The following WWOX variants were observed in gnomAD, a reference collection of about 807,000 sequenced individuals.
The protein encoded by WWOX is WW domain containing oxidoreductase, also known as WW domain-containing oxidoreductase.
In WWOX, 69 loss-of-function variants were observed where a neutral mutation model predicts 46.2. The observed-to-expected ratio is 1.49, with a 90% CI of 1.23 to 1.82. The LOEUF is 1.82. Ranked by LOEUF, WWOX falls within the 40% of genes most tolerant of loss-of-function variation. WWOX has a pLI of 0.00. For synonymous variants in WWOX, 359 were observed against 202.6 expected, an observed-to-expected ratio of 1.77 and a Z score of -6.56; for missense variants, 919 against 542.6, an observed-to-expected ratio of 1.69 and a Z score of -6.89.
At chr16:78,279,228 T>A (rs1304447676) in intron 5 of WWOX, among the ~76,000 whole-genome samples, 2 of 152,190 alleles carry the variant, frequency 1.3e-5, no homozygotes, top group Non-Finnish European at 2.9e-5. Flanking sequence ...GAGATTGTGT[T>A]GTTTTAAAAA....
Position 78,510,586 on chromosome 16 carries a change from C to T in WWOX, c.1056+77834C>T, listed in dbSNP as rs62036421. Among the ~76,000 whole-genome samples, 898 of 152,320 alleles carry T rather than the reference C, an allele frequency of 5.9e-3. 2 individuals carry two copies. Among genetic ancestry groups the T allele is most frequent in the Middle Eastern group, 0.02 (6 of 294 alleles). ...AACTGCACTTTCTCATCAACTGCAACCATAATTTAGCTATGGATACAAGAG... is the reference window on the plus strand; with the variant it reads ...AACTGCACTTTCTCATCAACTGCAATCATAATTTAGCTATGGATACAAGAG... On this transcript the variant is annotated intron_variant, in intron 8 of 8. Transcript: ENST00000566780.
intron 8 of WWOX, among the ~76,000 whole-genome samples, chr16:78,832,484 G>C (rs1317487799): frequency 6.6e-6 from 1 of 152,148 alleles, no homozygotes; most frequent in Admixed American, 6.5e-5. Flanking sequence ...TTGGAAGGGA[G>C]GTCTATCAAA....
chr16:78,315,203 G>A (rs1007620081), intron 5 of WWOX, among the ~76,000 whole-genome samples: 1 of 152,308 alleles, frequency 6.6e-6, no homozygotes, highest in Non-Finnish European at 1.5e-5. Flanking sequence ...CCCTGAAACA[G>A]CTACCTTTTC....
chr16:78,642,021 A>G (rs937502222), intron 8 of WWOX, among the ~76,000 whole-genome samples: 2 of 152,236 alleles, frequency 1.3e-5, no homozygotes, highest in African/African-American at 2.4e-5. Context: ...GAAGAAAAAC[A>G]GCAACGAGTT....
intron 5 of WWOX, among the ~76,000 whole-genome samples, chr16:78,241,690 T>C (rs2037654541): frequency 6.6e-6 from 1 of 152,152 alleles, no homozygotes; most frequent in South Asian, 2.1e-4. Context: ...TCTGCCCACC[T>C]CGGCTTCCCA....
chr16:78,996,682 A>G (rs931849237), intron 8 of WWOX, among the ~76,000 whole-genome samples: 1 of 152,102 alleles, frequency 6.6e-6, no homozygotes, highest in Non-Finnish European at 1.5e-5. Context: ...TGGGGACAAT[A>G]TGGCAAATAT....
chr16:78,965,131 A>G (rs1161584424), intron 8 of WWOX, among the ~76,000 whole-genome samples: 2 of 152,248 alleles, frequency 1.3e-5, no homozygotes, highest in African/African-American at 2.4e-5. Context: ...CAGAGTCCAT[A>G]CTGGGGCACT....
At chr16:78,458,019 G>T (rs2083863832) in intron 8 of WWOX, among the ~76,000 whole-genome samples, 1 of 151,598 alleles carries the variant, frequency 6.6e-6, no homozygotes, top group East Asian at 1.9e-4. Flanking sequence ...GGAGGTTGCA[G>T]TGAGCCAAGA....
chr16:79,114,369 C>T (rs542633361), intron 8 of WWOX, among the ~76,000 whole-genome samples: 5 of 108,546 alleles, frequency 4.6e-5, no homozygotes, highest in South Asian at 6.5e-4. Flanking sequence ...GAGAGACACA[C>T]GTGTGTGCAC....
intron 8 of WWOX, among the ~76,000 whole-genome samples, chr16:78,807,206 T>G (rs1206779186): frequency 6.6e-6 from 1 of 152,246 alleles, no homozygotes; most frequent in Non-Finnish European, 1.5e-5. Flanking sequence ...ACATCCTTGC[T>G]GTTTTTCATG....
intron 5 of WWOX, among the ~76,000 whole-genome samples, chr16:78,201,191 T>A (rs2036218983): frequency 6.6e-6 from 1 of 152,216 alleles, no homozygotes; most frequent in Admixed American, 6.5e-5. Flanking sequence ...TTTTCTTCTG[T>A]GATCGTTGAA....
intron 5 of WWOX, among the ~76,000 whole-genome samples, chr16:78,376,897 C>A (rs117445981): frequency 1.3e-5 from 2 of 152,168 alleles, no homozygotes; most frequent in Non-Finnish European, 2.9e-5. Context: ...CCAAGTCCAC[C>A]GTGTGGAATG....
chr16:78,575,564 A>G (rs2044857333), intron 8 of WWOX, among the ~76,000 whole-genome samples: 1 of 152,102 alleles, frequency 6.6e-6, no homozygotes, highest in African/African-American at 2.4e-5. Context: ...GGACTGGGGC[A>G]TTGGATCTCC....
chr16:78,812,197 A>T (rs1045699353), intron 8 of WWOX, among the ~76,000 whole-genome samples: 1 of 151,908 alleles, frequency 6.6e-6, no homozygotes, highest in Admixed American at 6.6e-5. Flanking sequence ...GTATCTGCCA[A>T]TTTTTTAAAA....
intron 8 of WWOX, among the ~76,000 whole-genome samples, chr16:78,454,348 A>G (rs2083760915): frequency 1.7e-5 from 1 of 59,866 alleles, no homozygotes; most frequent in Non-Finnish European, 3.0e-5. Context: ...ATTTATACTT[A>G]TGTATATTCG....
chr16:78,641,446 G>A (rs1213229916), intron 8 of WWOX, among the ~76,000 whole-genome samples: 1 of 152,096 alleles, frequency 6.6e-6, no homozygotes, highest in Non-Finnish European at 1.5e-5. Context: ...TCAGAAAGCA[G>A]CAGGAGTGGG....
chr16:78,149,356 C>G (rs1324280867), intron 4 of WWOX, among the ~76,000 whole-genome samples: 1 of 152,172 alleles, frequency 6.6e-6, no homozygotes, highest in Admixed American at 6.5e-5. Context: ...TAGAGAGAAA[C>G]TTATTCCTGT....
intron 8 of WWOX, among the ~76,000 whole-genome samples, chr16:78,940,318 A>G (rs2045826494): frequency 6.6e-6 from 1 of 152,186 alleles, no homozygotes; most frequent in Non-Finnish European, 1.5e-5. Flanking sequence ...ATGAGTCGTC[A>G]TTGCTCGCTA....
chr16:78,119,337 G>A (rs1181650850), intron 4 of WWOX, among the ~76,000 whole-genome samples: 2 of 152,316 alleles, frequency 1.3e-5, no homozygotes, highest in Non-Finnish European at 2.9e-5. Flanking sequence ...GAAGGTCCCT[G>A]CTTCGTTTTT....
Sources: gnomAD v4.1 joint callset for allele counts (sites outside exome capture counted in the v4.1 genomes callset) on GRCh38, gnomAD v4.1.1 for gene constraint, MANE v1.5 for transcripts, NCBI Gene and HGNC (gene_info 2026-07-23, HGNC 2026-07-21) for gene names.